Variants in NPAS3 observed in about 807,000 individuals in gnomAD.
NPAS3 encodes the protein neuronal PAS domain protein 3.
Under a neutral mutation model 73.1 loss-of-function variants are expected in NPAS3, and 14 were observed. That is an observed-to-expected ratio of 0.19 (90% CI 0.13 to 0.30). The LOEUF (loss-of-function observed/expected upper bound fraction) is 0.30. Among genes scored for constraint, NPAS3 ranks in the 10% least tolerant of loss-of-function variants. NPAS3 has a pLI of 1.00. For missense variants in NPAS3, 1,096 were observed against 1,250.0 expected (o/e 0.88, Z 1.86); for synonymous variants, 620 against 541.5 (o/e 1.14, Z -2.01).
intron 5 of NPAS3, among the ~76,000 whole-genome samples, chr14:33,593,009 A>C (rs1040983995): frequency 3.3e-5 from 5 of 152,102 alleles, no homozygotes; most frequent in African/African-American, 9.7e-5. Flanking sequence ...ATCTCGTAGA[A>C]GGTAAAGCTT....
At chr14:33,107,712 A>G (rs889798339) in intron 2 of NPAS3, among the ~76,000 whole-genome samples, 1 of 152,156 alleles carries the variant, frequency 6.6e-6, no homozygotes, top group Non-Finnish European at 1.5e-5. Context: ...AATGAGAAAA[A>G]ACATATTTTC....
chr14:33,620,792 C>T (rs1463753013), intron 5 of NPAS3, among the ~76,000 whole-genome samples: 1 of 152,054 alleles, frequency 6.6e-6, no homozygotes, highest in Non-Finnish European at 1.5e-5. Context: ...TACTCTATTT[C>T]AGCTTGACTA....
intron 4 of NPAS3, among the ~76,000 whole-genome samples, chr14:33,531,026 C>A (rs1566976850): frequency 1.3e-5 from 2 of 152,016 alleles, no homozygotes; most frequent in Non-Finnish European, 2.9e-5. Flanking sequence ...CCGGTGAAAA[C>A]ACACAGAAGA....
At chr14:33,049,127 C>G (rs1444317840) in intron 1 of NPAS3, among the ~76,000 whole-genome samples, 1 of 152,148 alleles carries the variant, frequency 6.6e-6, no homozygotes. Flanking sequence ...GTAGCCAGCA[C>G]ACTTTGATAT....
chr14:33,358,806 A>G (rs2045461077), intron 3 of NPAS3, among the ~76,000 whole-genome samples: 2 of 152,246 alleles, frequency 1.3e-5, no homozygotes, highest in African/African-American at 2.4e-5. Context: ...CAACGTATCT[A>G]TAAGTGGAAA....
intron 9 of NPAS3, among the ~76,000 whole-genome samples, chr14:33,793,005 T>C (rs1221921083): frequency 2.0e-5 from 3 of 152,252 alleles, no homozygotes; most frequent in Admixed American, 6.5e-5. Flanking sequence ...GGGGATGATT[T>C]ACTGTGCTTT....
At chr14:33,264,605 G>C (rs776287489) in intron 3 of NPAS3, among the ~76,000 whole-genome samples, 1 of 152,112 alleles carries the variant, frequency 6.6e-6, no homozygotes, top group Non-Finnish European at 1.5e-5. Flanking sequence ...AGAAGAGTTA[G>C]TGTCTGAATG....
intron 4 of NPAS3, among the ~76,000 whole-genome samples, chr14:33,504,535 C>A (rs1018410609): frequency 6.6e-6 from 1 of 151,834 alleles, no homozygotes; most frequent in Middle Eastern, 3.2e-3. Context: ...AATTGGCTGG[C>A]CATTTTAAAA....
rs546933459 is a variant in NPAS3, at chr14:33,624,200, G to A, written c.559-52011G>A. Among the ~76,000 whole-genome samples the A allele has an allele frequency of 4.0e-4, 61 of 152,266 alleles. 1 individual carries two copies. The highest frequency in any genetic ancestry group is 1.5e-3 in the South Asian group (7 of 4,820). On this transcript the variant is annotated intron_variant, in intron 5 of 11. Transcript: ENST00000356141. ...CTGTCTTACACTCTCCTGGGATGGG[G>A]AAACTTTGTTTTGTTCCCCGAGATA...
intron 4 of NPAS3, among the ~76,000 whole-genome samples, chr14:33,457,993 G>A (rs960599645): frequency 1.3e-5 from 2 of 152,160 alleles, no homozygotes; most frequent in Non-Finnish European, 2.9e-5. Flanking sequence ...AAGGCTCACT[G>A]GTTGATGTGT....
chr14:33,580,951 C>T (rs1396423521), intron 5 of NPAS3, among the ~76,000 whole-genome samples: 4 of 152,212 alleles, frequency 2.6e-5, no homozygotes, highest in African/African-American at 9.6e-5. Context: ...AAGTATTCAT[C>T]CCACACATCA....
At chr14:33,241,836 A>C (rs1033859313) in intron 3 of NPAS3, among the ~76,000 whole-genome samples, 3 of 152,074 alleles carry the variant, frequency 2.0e-5, no homozygotes, top group Non-Finnish European at 4.4e-5. Context: ...CTTTATAAGC[A>C]TGTATGAATC....
chr14:33,802,842 C>T (rs2063749298), downstream of NPAS3: 1 of 152,270 alleles, frequency 6.6e-6, no homozygotes, highest in African/African-American at 2.4e-5. Context: ...CCTGCTGTTG[C>T]TTTGCTGGTG....
At chr14:33,675,626 C>T (rs565091796) in intron 5 of NPAS3, among the ~76,000 whole-genome samples, 9 of 152,274 alleles carry the variant, frequency 5.9e-5, no homozygotes, top group East Asian at 3.9e-4. Context: ...ATCCCTCATA[C>T]GATTACAGAG....
chr14:33,089,178 G>T (rs2042137736), intron 2 of NPAS3, among the ~76,000 whole-genome samples: 1 of 152,186 alleles, frequency 6.6e-6, no homozygotes, highest in Admixed American at 6.5e-5. Flanking sequence ...AGAGAAGAAG[G>T]CTTCAGACAA....
intron 2 of NPAS3, among the ~76,000 whole-genome samples, chr14:33,182,084 C>T (rs777921018): frequency 1.8e-4 from 27 of 152,050 alleles, no homozygotes; most frequent in Non-Finnish European, 3.8e-4. Flanking sequence ...CCCCTAGATA[C>T]CAGGCTGTAT....
chr14:33,112,326 T>C (rs1459185080), intron 2 of NPAS3, among the ~76,000 whole-genome samples: 2 of 152,272 alleles, frequency 1.3e-5, no homozygotes, highest in South Asian at 2.1e-4. Context: ...TCCTCTCCAG[T>C]ACCTGTTGTT....
chr14:33,222,467 A>G (rs1207591858), intron 3 of NPAS3, among the ~76,000 whole-genome samples: 1 of 152,172 alleles, frequency 6.6e-6, no homozygotes, highest in Non-Finnish European at 1.5e-5. Flanking sequence ...TTCAGCATTC[A>G]CATCCCAGCT....
At chr14:33,287,069 A>T (rs1353115169) in intron 3 of NPAS3, among the ~76,000 whole-genome samples, 1 of 152,154 alleles carries the variant, frequency 6.6e-6, no homozygotes, top group Non-Finnish European at 1.5e-5. Flanking sequence ...TGGAAATACA[A>T]TTTGTAATTT....
Sources: allele counts gnomAD v4.1 joint callset (sites outside exome capture counted in the v4.1 genomes callset), GRCh38; gene constraint gnomAD v4.1.1; transcripts MANE v1.5; gene names NCBI Gene and HGNC (gene_info 2026-07-23, HGNC 2026-07-21).